The following GCNT4 variants were observed in gnomAD, a reference collection of about 807,000 sequenced individuals.
The protein encoded by GCNT4 is beta-1,3-galactosyl-O-glycosyl-glycoprotein beta-1,6-N-acetylglucosaminyltransferase 4.
Under a neutral mutation model 31.3 loss-of-function variants are expected in GCNT4, and 17 were observed. The observed-to-expected ratio is 0.54, with a 90% confidence interval of 0.37 to 0.81. The LOEUF is 0.81. Among genes scored for constraint, GCNT4 ranks in the 40% least tolerant of loss-of-function variants. GCNT4 has a pLI of 0.00. For synonymous variants in GCNT4, 158 were observed against 190.6 expected (o/e 0.83, Z 1.41); for missense variants, 503 against 525.5 (o/e 0.96, Z 0.42).
chr5:75,018,823 G>T, the GCNT4 span, among the ~76,000 whole-genome samples: 1 of 152,126 alleles, frequency 6.6e-6, no homozygotes, highest in Non-Finnish European at 1.5e-5. Context: ...ATGAACATTA[G>T]GAGTAAGGAA....
At chr5:75,033,844 AC>A (rs1388160538) in intron 3 of GCNT4, among the ~76,000 whole-genome samples, 1 of 149,056 alleles carries the variant, frequency 6.7e-6, no homozygotes, top group African/African-American at 2.5e-5. Flanking sequence ...CTTGCTCCTC[AC>A]CCCCCGATAG....
chr5:75,043,505 G>A (rs1580244746), intron 3 of GCNT4, among the ~76,000 whole-genome samples: 1 of 152,206 alleles, frequency 6.6e-6, no homozygotes, highest in African/African-American at 2.4e-5. Flanking sequence ...TCCTATAGGA[G>A]CCTGATTCAG....
intron 2 of GCNT4, among the ~76,000 whole-genome samples, 174 bp downstream of exon 2, chr5:75,051,995 C>A (rs1262485168): frequency 1.3e-5 from 2 of 152,142 alleles, no homozygotes; most frequent in Non-Finnish European, 2.9e-5. Flanking sequence ...ATAGGATATG[C>A]TCTCTATAAT....
At chr5:75,040,721 GAGAA>G (rs1201259080) in intron 3 of GCNT4, among the ~76,000 whole-genome samples, 1 of 152,194 alleles carries the variant, frequency 6.6e-6, no homozygotes, top group Non-Finnish European at 1.5e-5. Context: ...TGGGAAAACT[GAGAA>G]AGAGTCAATG....
At chr5:75,037,051 A>C (rs1192556205) in intron 3 of GCNT4, among the ~76,000 whole-genome samples, 2 of 152,226 alleles carry the variant, frequency 1.3e-5, no homozygotes, top group African/African-American at 4.8e-5. Flanking sequence ...TTGATTTAGA[A>C]ATGTCAGGGC....
downstream of GCNT4, among the ~76,000 whole-genome samples, chr5:75,020,439 G>A (rs1292687989): frequency 2.0e-5 from 3 of 152,174 alleles, no homozygotes; most frequent in Non-Finnish European, 2.9e-5. Flanking sequence ...CCCTGTGGCT[G>A]GCCTTGCAGG....
chr5:75,053,744 AG>A (rs1015258808), upstream of GCNT4, among the ~76,000 whole-genome samples: 12 of 151,998 alleles, frequency 7.9e-5, no homozygotes, highest in African/African-American at 2.9e-4. Context: ...GCTCCCGCAG[AG>A]GGAGCTCCCT....
chr5:75,026,520 T>C lies in GCNT4; in HGVS notation c.*2156A>G, dbSNP rs1286307336. On this transcript the variant is annotated 3_prime_UTR_variant, in exon 4 of 4. Coordinates refer to ENST00000652361, the MANE Select transcript of GCNT4 (RefSeq NM_001366737.1). ...TCAATAGTTTTTCAGAAAAGGTAAA[T>C]GTTTAAGCCTTTCGATGGGGTTGGA... The C allele has an allele frequency of 6.6e-6, 1 of 152,036 alleles. No individual in the cohort carries two copies. The highest frequency in any genetic ancestry group is 1.5e-5 in the Non-Finnish European group (1 of 68,016). The allele number at this position is 152,036 out of a possible 1,614,324, so 9.4% of individuals were successfully genotyped here.
chr5:75,034,799 T>C (rs887584591), intron 3 of GCNT4, among the ~76,000 whole-genome samples: 20 of 152,208 alleles, frequency 1.3e-4, no homozygotes, highest in African/African-American at 4.8e-4. Context: ...AAAGTCCCAA[T>C]AGGGATGTTG....
At chr5:75,039,071 T>C (rs1743261471) in intron 3 of GCNT4, among the ~76,000 whole-genome samples, 1 of 152,008 alleles carries the variant, frequency 6.6e-6, no homozygotes, top group Non-Finnish European at 1.5e-5. Flanking sequence ...TCTTATTCAC[T>C]GTTTTTTTTT....
At chr5:75,032,386 C>T (rs1326638533) in intron 3 of GCNT4, among the ~76,000 whole-genome samples, 6 of 152,190 alleles carry the variant, frequency 3.9e-5, no homozygotes, top group Non-Finnish European at 8.8e-5. Flanking sequence ...TCAGCCTCCA[C>T]GAGTCCAAAA....
At chr5:75,053,178 C>G (rs1743625475), upstream of GCNT4, among the ~76,000 whole-genome samples, 1 of 151,440 alleles carries the variant, frequency 6.6e-6, no homozygotes, top group Admixed American at 6.6e-5. Context: ...CGGCGGCTGC[C>G]GCGGGGAGCC....
rs752268503 is a variant in GCNT4 at position 75,029,022 on chromosome 5, C to T, written c.1016G>A (p.Trp339Ter). 1 of 1,614,036 alleles carries T rather than the reference C, an allele frequency of 6.2e-7. No homozygotes were observed. The highest frequency in any genetic ancestry group is 8.5e-7 in the Non-Finnish European group (1 of 1,179,996). Residue 339 changes from tryptophan to a stop codon, truncating the protein, a stop_gained, in exon 4 of 4, where the codon TGG becomes TAG. Coordinates refer to ENST00000652361, the MANE Select transcript of GCNT4 (RefSeq NM_001366737.1). LOFTEE classifies it high-confidence loss of function. ...KDTYSPDEHF[W>*]ATLIRVPGIP... ...TCCTGGAACCCGAATCAAGGTAGCCCAAAAGTGCTCATCAGGAGAGTATGT... is the reference window on the plus strand; with the variant it reads ...TCCTGGAACCCGAATCAAGGTAGCCTAAAAGTGCTCATCAGGAGAGTATGT...
rs181854839 is a variant in GCNT4 at position 75,028,885 on chromosome 5, A to T, written c.1153T>A (p.Ser385Thr). 6.2e-7 allele frequency: 1 copy of T among 1,614,080 alleles called. No homozygotes were observed. Among genetic ancestry groups the T allele is most frequent in the South Asian group, 1.1e-5 (1 of 91,078 alleles). ...TAAATACACACGCTTCGAAGGTGAG[A>T]TCCAGTACAACTGGGATAGAAAAAG... ...EGFFYPSCTG[S>T]HLRSVCIYGA... The change falls in exon 4 of 4, where the codon TCT becomes ACT. Residue 385 changes from serine to threonine, a missense_variant. Physicochemically the swap from Ser to Thr is moderately conservative, Grantham distance 58. Transcript: ENST00000652361.
downstream of GCNT4, chr5:75,023,687 T>C (rs1214427165): frequency 6.6e-6 from 1 of 152,220 alleles, no homozygotes; most frequent in Non-Finnish European, 1.5e-5. Flanking sequence ...TGTATGTAGA[T>C]AAGAGCATTC....
downstream of GCNT4, among the ~76,000 whole-genome samples, chr5:75,024,378 A>G (rs1175754779): frequency 6.6e-6 from 1 of 152,168 alleles, no homozygotes; most frequent in Non-Finnish European, 1.5e-5. Context: ...TAGGTTGAAG[A>G]TTCCCCAAAT....
At chr5:75,041,584 G>A (rs1743319997) in intron 3 of GCNT4, among the ~76,000 whole-genome samples, 1 of 152,138 alleles carries the variant, frequency 6.6e-6, no homozygotes, top group Admixed American at 6.5e-5. Flanking sequence ...CAGAAATAAA[G>A]GACCTGTAAG....
chr5:75,030,067 T>C (rs1743029259), intron 3 of GCNT4, 29 bp from the exon 4 acceptor site: 1 of 1,552,778 alleles, frequency 6.4e-7, no homozygotes, highest in African/African-American at 1.4e-5. Context: ...ATAATCCAGT[T>C]GGAATATTAA....
chr5:75,023,487 G>A (rs79935740), downstream of GCNT4, among the ~76,000 whole-genome samples: 296 of 151,938 alleles, frequency 1.9e-3, 4 homozygotes, highest in East Asian at 0.03. Flanking sequence ...GAAGCTGTAC[G>A]AACAACACTG....
Sources: gnomAD v4.1 joint callset for allele counts (sites outside exome capture counted in the v4.1 genomes callset) on GRCh38, gnomAD v4.1.1 for gene constraint, MANE v1.5 for transcripts, NCBI Gene and HGNC (gene_info 2026-07-23, HGNC 2026-07-21) for gene names.